Variants in CST4 observed in about 807,000 individuals in gnomAD.
The protein encoded by CST4 is cystatin S.
Under a neutral mutation model 11.2 loss-of-function variants are expected in CST4, and 17 were observed. That is an observed-to-expected ratio of 1.52 (90% CI 1.04 to 2.27). The LOEUF (loss-of-function observed/expected upper bound fraction) is 2.27, where lower values mean the gene tolerates loss of function less well. CST4 is among the 30% of genes most tolerant of loss of function. The pLI is 0.00. For missense variants in CST4, 251 were observed against 180.2 expected (o/e 1.39, Z -2.25); for synonymous variants, 93 against 70.1 (o/e 1.33, Z -1.63).
rs1323893200 is a variant in CST4, at chr20:23,687,074, C to T, written c.342+14G>A. Reference sequence around the variant, plus strand: ...CAGTGCATGACTGGCCCGGGACCCGCATCAGGAACGTACCTTCTGCAGTTC... The same window carrying T: ...CAGTGCATGACTGGCCCGGGACCCGTATCAGGAACGTACCTTCTGCAGTTC... On this transcript the variant is annotated intron_variant, in intron 2 of 2. Transcript: ENST00000217423. 1 of 1,614,014 alleles carries T rather than the reference C, an allele frequency of 6.2e-7. No homozygotes were observed. The highest frequency in any genetic ancestry group is 1.3e-5 in the African/African-American group (1 of 74,906).
chr20:23,687,109 A>T lies in CST4; in HGVS notation c.321T>A (p.His107Gln). Residue 107 changes from histidine to glutamine, a missense_variant, in exon 2 of 3, where the codon CAT becomes CAA. His to Gln is a conservative substitution (Grantham distance 24). Transcript: ENST00000217423. ...GTACCTTCTGCAGTTCTGGCTGTTCATGGAAGGCACAGGTGTCCAAGTTGG... is the reference window on the plus strand; with the variant it reads ...GTACCTTCTGCAGTTCTGGCTGTTCTTGGAAGGCACAGGTGTCCAAGTTGG... ...SQPNLDTCAF[H>Q]EQPELQKKQL... 1 of 1,614,112 alleles carries T rather than the reference A, an allele frequency of 6.2e-7. No homozygotes were observed.
chr20:23,688,756 G>A lies in CST4; in HGVS notation c.214C>T (p.Arg72Ter), dbSNP rs769001677. 28 of 1,613,992 alleles carry A rather than the reference G, an allele frequency of 1.7e-5. No homozygotes were observed. The highest frequency in any genetic ancestry group is 1.1e-4 in the East Asian group (5 of 44,886). Reference protein sequence around the residue: ...EYYRRPLQVLRAREQTFGGVN... With the variant: ...EYYRRPLQVL ...GCAGCACCCACCTGCTCCCTGGCTC[G>A]CAGCACCTGCAGCGGGCGTCTGTAG... The change falls in exon 1 of 3, where the codon CGA (arginine) becomes TGA (stop). Residue 72 changes from arginine (R) to a stop codon, truncating the protein, a stop_gained. Coordinates refer to ENST00000217423, the MANE Select transcript of CST4 (RefSeq NM_001899.3). LOFTEE classifies it high-confidence loss of function.
Position 23,685,845 on chromosome 20 carries a change from AGTGGGT to A in CST4, c.*43_*48del, listed in dbSNP as rs1481579163. Reference sequence around the variant, plus strand: ...ACCAGTCCAGGGGTGGGAGCACTACAGTGGGTGGGAGTGGGTGGTGGTCGGTGTGAC... The same window carrying A: ...ACCAGTCCAGGGGTGGGAGCACTACAGGGAGTGGGTGGTGGTCGGTGTGAC... On this transcript the variant is annotated 3_prime_UTR_variant, in exon 3 of 3. Coordinates refer to ENST00000217423, the MANE Select transcript of CST4 (RefSeq NM_001899.3). 1 of 1,588,934 alleles carries A rather than the reference AGTGGGT, an allele frequency of 6.3e-7. No individual in the cohort carries two copies. Among genetic ancestry groups the A allele is most frequent in the African/African-American group, 1.4e-5 (1 of 73,972 alleles).
At chr20:23,686,063 G>A (rs1981030933) in intron 2 of CST4, 86 bp from the exon 3 acceptor site, 2 of 1,379,962 alleles carry the variant, frequency 1.4e-6, no homozygotes, top group Admixed American at 1.8e-5. Context: ...CAGCCTGGGT[G>A]AGGAGGATGG....
chr20:23,687,654 T>C (rs951709196), intron 1 of CST4, among the ~76,000 whole-genome samples: 3 of 152,218 alleles, frequency 2.0e-5, no homozygotes, highest in African/African-American at 7.2e-5. Flanking sequence ...AAGATACGTT[T>C]CTCAAGTCAG....
At chr20:23,687,414 A>G (rs1198592965) in intron 1 of CST4, among the ~76,000 whole-genome samples, 2 of 152,200 alleles carry the variant, frequency 1.3e-5, no homozygotes, top group Admixed American at 6.5e-5. Flanking sequence ...TGTGCTGGGT[A>G]AGAGGATTCA....
rs770040774 is a variant in CST4 at position 23,687,203 on chromosome 20, T to C, written c.229-2A>G. The C allele has an allele frequency of 1.9e-5, 30 of 1,613,926 alleles. No individual in the cohort carries two copies. Among genetic ancestry groups the C allele is most frequent in the Non-Finnish European group, 2.4e-5 (28 of 1,180,024 alleles). On this transcript the variant is annotated splice_acceptor_variant, in intron 1 of 2. Transcript: ENST00000217423. LOFTEE classifies it high-confidence loss of function. ...GAAGTAATTCACCCCCCCAAAGGTC[T>C]GCACACAGGAGAAAACAGGAAGCAC...
At position 23,687,181 on chromosome 20, in the gene CST4, G is replaced by T. The variant is rs1020774941; in HGVS notation, c.249C>A (p.Tyr83Ter). Residue 83 changes from tyrosine (Y) to a stop codon, truncating the protein, a stop_gained, in exon 2 of 3, where the codon TAC becomes TAA. Transcript: ENST00000217423. LOFTEE classifies it high-confidence loss of function. ...TGCGGCCCACCTCTACGTCGAAGAA[G>T]TAATTCACCCCCCCAAAGGTCTGCA... ...AREQTFGGVN[Y>*]FFDVEVGRTI... 4 of 1,613,952 alleles carry T rather than the reference G, an allele frequency of 2.5e-6. No individual in the cohort carries two copies. The highest frequency in any genetic ancestry group is 1.7e-6 in the Non-Finnish European group (2 of 1,180,030).
In CST4 at chr20:23,687,165, C is replaced by T. The variant is rs768280350; in HGVS notation, c.265G>A (p.Val89Met). Residue 89 changes from valine to methionine, a missense_variant, in exon 2 of 3, where the codon GTG becomes ATG. Physicochemically the swap from Val to Met is conservative, Grantham distance 21. Coordinates refer to ENST00000217423, the MANE Select transcript of CST4 (RefSeq NM_001899.3). ...GGVNYFFDVE[V>M]GRTICTKSQP... ...GACTTGGTACATATGGTGCGGCCCACCTCTACGTCGAAGAAGTAATTCACC... is the reference window on the plus strand; with the variant it reads ...GACTTGGTACATATGGTGCGGCCCATCTCTACGTCGAAGAAGTAATTCACC... The T allele has an allele frequency of 4.3e-6, 7 of 1,613,984 alleles. No homozygotes were observed. The highest frequency in any genetic ancestry group is 5.1e-6 in the Non-Finnish European group (6 of 1,180,036).
Position 23,685,907 on chromosome 20 carries a change from C to T in CST4, c.413G>A (p.Cys138Tyr), listed in dbSNP as rs751416983. 13 of 1,614,096 alleles carry T rather than the reference C, an allele frequency of 8.1e-6. No individual in the cohort carries two copies. In the South Asian group the frequency reaches 1.3e-4, roughly 16 times the overall value. The change falls in exon 3 of 3, where the codon TGT (cysteine) becomes TAT (tyrosine). Residue 138 changes from cysteine (C) to tyrosine (Y), a missense_variant. By Grantham distance (194) the Cys-to-Tyr change is radical. Coordinates refer to ENST00000217423, the MANE Select transcript of CST4 (RefSeq NM_001899.3). ...TGGCACAGACCCCTAGGCTTCTTGA[C>T]ACCTGGAATTCACCAGGGACATTCT... ...EDRMSLVNSR[C>Y]QEA
Position 23,688,858 on chromosome 20 carries a change from C to A in CST4, c.112G>T (p.Asp38Tyr). 6.2e-7 allele frequency: 1 copy of A among 1,614,204 alleles called. No homozygotes were observed. Among genetic ancestry groups the A allele is most frequent in the Non-Finnish European group, 8.5e-7 (1 of 1,180,032 alleles). Residue 38 changes from aspartate to tyrosine, a missense_variant, in exon 1 of 3, where the codon GAC becomes TAC. Physicochemically the swap from Asp to Tyr is radical, Grantham distance 160 (BLOSUM62 -3). Coordinates refer to ENST00000217423, the MANE Select transcript of CST4 (RefSeq NM_001899.3). The stretch of plus-strand genomic sequence containing the variant: ...CGCTGTACCCACTCATCATTGAGGT[C>A]TGCATCATAGATGCCACCTGGGATT... ...RIIPGGIYDADLNDEWVQRAL... is the reference protein window; with the variant it reads ...RIIPGGIYDAYLNDEWVQRAL...
rs1370122265 is a variant in CST4 at position 23,685,798 on chromosome 20, G to A, written c.*96C>T. 3.1e-6 allele frequency: 4 copies of A among 1,285,242 alleles called. No individual in the cohort carries two copies. The highest frequency in any genetic ancestry group is 4.8e-5 in the East Asian group (2 of 41,998). The allele number at this position is 1,285,242 out of a possible 1,614,324, so 79.6% of individuals were successfully genotyped here. ...GTCTCTTGGCACAGGCACATGGGGA[G>A]GCCTCCCGCAGGGTGGGGGCCACCA... On this transcript the variant is annotated 3_prime_UTR_variant, in exon 3 of 3. Coordinates refer to ENST00000217423, the MANE Select transcript of CST4 (RefSeq NM_001899.3).
At chr20:23,688,210 C>T (rs1006486553) in intron 1 of CST4, among the ~76,000 whole-genome samples, 5 of 152,344 alleles carry the variant, frequency 3.3e-5, no homozygotes, top group East Asian at 1.9e-4. Flanking sequence ...CAGGGCCAGG[C>T]GTGCTCCACC....
chr20:23,686,283 G>A (rs1308162797), intron 2 of CST4, among the ~76,000 whole-genome samples: 2 of 152,142 alleles, frequency 1.3e-5, no homozygotes, highest in Non-Finnish European at 2.9e-5. Flanking sequence ...AGGACATGGG[G>A]AGGTGGCTCA....
At chr20:23,687,383 G>A (rs189449299) in intron 1 of CST4, among the ~76,000 whole-genome samples, 182 bp from the exon 2 acceptor site, 39 of 152,224 alleles carry the variant, frequency 2.6e-4, no homozygotes, top group African/African-American at 7.7e-4. Context: ...CCTCATGCCC[G>A]CTCTTAAACA....
At chr20:23,687,250 A>G (rs377716577) in intron 1 of CST4, 49 bp from the exon 2 acceptor site, 66 of 1,596,254 alleles carry the variant, frequency 4.1e-5, no homozygotes, top group Non-Finnish European at 5.2e-5. Flanking sequence ...CCATCAGTTC[A>G]TGCACTCACA....
intron 2 of CST4, 107 bp downstream of exon 2, chr20:23,686,981 T>C: frequency 1.6e-5 from 21 of 1,348,608 alleles, no homozygotes; most frequent in Non-Finnish European, 1.9e-5. Context: ...GCTCCCCACA[T>C]ACCCACCTGC....
At chr20:23,686,098 A>C (rs1458707245) in intron 2 of CST4, 121 bp from the exon 3 acceptor site, 21 of 1,003,496 alleles carry the variant, frequency 2.1e-5, no homozygotes, top group Non-Finnish European at 3.2e-5. Context: ...ACCCTCACCC[A>C]CCCCTGCTGA....
rs201023151 is a variant in CST4 at position 23,685,950 on chromosome 20, C to T, written c.370G>A (p.Glu124Lys). 1.7e-4 allele frequency: 268 copies of T among 1,613,846 alleles called. No individual in the cohort carries two copies. Among genetic ancestry groups the T allele is most frequent in the South Asian group, 1.2e-4 (11 of 91,078 alleles). Residue 124 changes from glutamate (E) to lysine (K), a missense_variant, in exon 3 of 3, where the codon GAA (glutamate) becomes AAA (lysine). Transcript: ENST00000217423. ...KKQLCSFEIYEVPWEDRMSLV... is the reference protein window; with the variant it reads ...KKQLCSFEIYKVPWEDRMSLV... ...GACATTCTGTCCTCCCAGGGAACTT[C>T]GTAGATCTCGAAAGAGCACAACTGT...
Sources: gnomAD v4.1 joint callset for allele counts (sites outside exome capture counted in the v4.1 genomes callset) on GRCh38, gnomAD v4.1.1 for gene constraint, MANE v1.5 for transcripts, NCBI Gene and HGNC (gene_info 2026-07-23, HGNC 2026-07-21) for gene names.